Variants in TRPM3 observed in about 807,000 individuals in gnomAD.
The protein encoded by TRPM3 is long transient receptor potential channel 3.
In TRPM3, 77 loss-of-function variants were observed where a neutral mutation model predicts 181.2. That is an observed-to-expected ratio of 0.42 (90% confidence interval 0.35 to 0.51). The LOEUF is 0.51. Among genes scored for constraint, TRPM3 ranks in the 20% least tolerant of loss-of-function variants. The probability of loss-of-function intolerance (pLI) is 0.01; values close to 1 mark genes in which losing one functional copy is unlikely to be tolerated. For synonymous variants in TRPM3, 745 were observed against 796.4 expected, an observed-to-expected ratio of 0.94 and a Z score of 1.09; for missense variants, 1,759 against 2,196.7, an observed-to-expected ratio of 0.80 and a Z score of 3.98.
At chr9:70,686,078 T>A (rs114482416) in intron 8 of TRPM3, among the ~76,000 whole-genome samples, 1,714 of 151,198 alleles carry the variant, frequency 0.011, 22 homozygotes, top group African/African-American at 0.032. Context: ...AATACATATA[T>A]ACATGTATTA....
intron 1 of TRPM3, among the ~76,000 whole-genome samples, chr9:71,094,702 A>G (rs2066827828): frequency 6.6e-6 from 1 of 152,066 alleles, no homozygotes; most frequent in South Asian, 2.1e-4. Context: ...AATTGAATGC[A>G]TTCGGTGCAT....
intron 1 of TRPM3, among the ~76,000 whole-genome samples, chr9:71,097,412 A>G (rs999073258): frequency 5.9e-5 from 9 of 152,134 alleles, no homozygotes; most frequent in African/African-American, 2.2e-4. Context: ...TTATGTTTGC[A>G]TAGTATTTAC....
chr9:70,917,431 C>G, intron 1 of TRPM3: 2 of 807,874 alleles, frequency 2.5e-6, no homozygotes, highest in South Asian at 2.8e-5. Flanking sequence ...CAGAAATGAA[C>G]TCGGCCAGAC....
chr9:71,418,935 T>TACACACACACAC (rs2093684492), intron 1 of TRPM3, among the ~76,000 whole-genome samples: 1 of 148,732 alleles, frequency 6.7e-6, no homozygotes, highest in Non-Finnish European at 1.5e-5. Context: ...TGTGTATATA[T>TACACACACACAC]ATATATGTAT....
intron 1 of TRPM3, among the ~76,000 whole-genome samples, chr9:71,259,403 A>G (rs2082887339): frequency 6.6e-6 from 1 of 152,218 alleles, no homozygotes; most frequent in Non-Finnish European, 1.5e-5. Flanking sequence ...TTGGGTATAT[A>G]CCCAGTAATG....
chr9:71,233,907 T>A (rs1423517441), intron 1 of TRPM3, among the ~76,000 whole-genome samples: 1 of 152,224 alleles, frequency 6.6e-6, no homozygotes, highest in African/African-American at 2.4e-5. Context: ...GGACTGGAAC[T>A]ATTTTGCTGA....
intron 1 of TRPM3, among the ~76,000 whole-genome samples, chr9:71,110,257 A>C (rs756774226): frequency 1.4e-4 from 21 of 152,198 alleles, no homozygotes; most frequent in Non-Finnish European, 1.5e-4. Context: ...CATAGTTGGC[A>C]AACTGTGGAG....
intron 1 of TRPM3, among the ~76,000 whole-genome samples, chr9:71,102,308 G>A (rs2068553396): frequency 6.6e-6 from 1 of 152,140 alleles, no homozygotes; most frequent in Non-Finnish European, 1.5e-5. Flanking sequence ...ACTTGTCATT[G>A]AGTTTCTAGT....
chr9:70,787,763 C>CTTTTTTTTTTTTTTTTTTTTTTTGTTTT (rs2084154820), intron 6 of TRPM3, among the ~76,000 whole-genome samples: 43 of 68,560 alleles, frequency 6.3e-4, no homozygotes, highest in South Asian at 1.7e-3. Flanking sequence ...TTTTTGGATT[C>CTTTTTTTTTTTTTTTTTTTTTTTGTTTT]TTTTTTTTTT....
intron 7 of TRPM3, among the ~76,000 whole-genome samples, chr9:70,764,379 G>T (rs182421241): frequency 2.0e-4 from 30 of 152,258 alleles, no homozygotes; most frequent in African/African-American, 7.2e-4. Context: ...TCATCTGCAG[G>T]TGTTTAATTT....
At chr9:71,444,792 T>C (rs2094182192) in intron 1 of TRPM3, among the ~76,000 whole-genome samples, 1 of 152,238 alleles carries the variant, frequency 6.6e-6, no homozygotes, top group Non-Finnish European at 1.5e-5. Flanking sequence ...AAAACCACCA[T>C]CTTAGCTCTA....
intron 1 of TRPM3, among the ~76,000 whole-genome samples, chr9:71,007,246 TATAA>T (rs2097689623): frequency 6.6e-6 from 1 of 151,970 alleles, no homozygotes; most frequent in East Asian, 1.9e-4. Flanking sequence ...AGAGATTGAC[TATAA>T]AACACTAACA....
At chr9:71,387,725 C>A (rs2092959256) in intron 1 of TRPM3, among the ~76,000 whole-genome samples, 1 of 151,772 alleles carries the variant, frequency 6.6e-6, no homozygotes, top group African/African-American at 2.4e-5. Flanking sequence ...TATAGTAAGC[C>A]CTCAGGAAAG....
chr9:70,701,167 C>T (rs1471121779), intron 8 of TRPM3, among the ~76,000 whole-genome samples: 3 of 152,106 alleles, frequency 2.0e-5, no homozygotes, highest in East Asian at 1.9e-4. Context: ...TGGATGAAAA[C>T]GTTTCTAAAA....
Position 70,588,464 on chromosome 9 carries a change from T to TA in TRPM3, c.3223+2566dup, listed in dbSNP as rs552506348. Among the ~76,000 whole-genome samples the TA allele has an allele frequency of 3.0e-3, 409 of 138,288 alleles. 1 individual carries two copies. Among genetic ancestry groups the TA allele is most frequent in the South Asian group, 0.021 (90 of 4,372 alleles). The allele number at this position is 138,288 out of a possible 152,430, so 90.7% of individuals were successfully genotyped here. A position where few individuals can be genotyped will look rare whatever the true frequency, so the allele number is the denominator to read the frequency against. On this transcript the variant is annotated intron_variant, in intron 22 of 25. Coordinates refer to ENST00000677713, the MANE Select transcript of TRPM3 (RefSeq NM_001366145.2). ...TGAAATGGGCTTAGCAATTCTGAAG[T>TA]AAAAAAAAAAAAAGAGTTAGCTATG...
chr9:71,036,981 C>A (rs193186836), intron 1 of TRPM3, among the ~76,000 whole-genome samples: 1 of 152,236 alleles, frequency 6.6e-6, no homozygotes, highest in Admixed American at 6.5e-5. Context: ...TGATACAAAG[C>A]TATTATTGAG....
chr9:71,113,594 G>A (rs557519737), intron 1 of TRPM3, among the ~76,000 whole-genome samples: 10 of 152,106 alleles, frequency 6.6e-5, no homozygotes, highest in South Asian at 2.1e-4. Context: ...CTTTGAATCC[G>A]GAATACTACC....
intron 1 of TRPM3, among the ~76,000 whole-genome samples, chr9:71,199,731 A>ATTTTT (rs542581530): frequency 0.017 from 2,588 of 149,534 alleles, 25 homozygotes; most frequent in Non-Finnish European, 0.022. Context: ...CCCCTTTATC[A>ATTTTT]TTTTTTTTGC....
At chr9:70,892,256 A>G (rs2096216498) in intron 1 of TRPM3, among the ~76,000 whole-genome samples, 1 of 152,164 alleles carries the variant, frequency 6.6e-6, no homozygotes. Flanking sequence ...ACAGTACCAA[A>G]AGTGAAATGA....
Sources: gnomAD v4.1 joint callset for allele counts (sites outside exome capture counted in the v4.1 genomes callset) on GRCh38, gnomAD v4.1.1 for gene constraint, MANE v1.5 for transcripts, NCBI Gene and HGNC (gene_info 2026-07-23, HGNC 2026-07-21) for gene names.